Variants in TULP4 observed in about 807,000 individuals in gnomAD.
TULP4 encodes the protein TUB like protein 4.
Under a neutral mutation model 129.0 loss-of-function variants are expected in TULP4, and 16 were observed. The observed-to-expected ratio is 0.12, with a 90% CI of 0.08 to 0.19. TULP4 has a LOEUF of 0.19. Ranked by LOEUF, TULP4 falls within the 10% of genes least tolerant of loss-of-function variation. TULP4 has a pLI of 1.00. For missense variants in TULP4, 1,842 were observed against 2,059.1 expected, an observed-to-expected ratio of 0.89 and a Z score of 2.04; for synonymous variants, 998 against 854.0, an observed-to-expected ratio of 1.17 and a Z score of -2.94.
chr6:158,254,204 A>G (rs1778202633), intron 1 of TULP4, among the ~76,000 whole-genome samples: 2 of 151,970 alleles, frequency 1.3e-5, no homozygotes, highest in African/African-American at 2.4e-5. Flanking sequence ...GTGCAATGGC[A>G]TGATCTCGGC....
In TULP4 at chr6:158,429,765, A is replaced by T. The variant is rs1184560981; in HGVS notation, c.411A>T (p.Gly137=). The change falls in exon 3 of 14, where the codon GGA becomes GGT. Residue 137 remains glycine, a synonymous_variant. Transcript: ENST00000367097. ...QVSDFTWSHD[G]TQALISYRDG... ...GTGATTTCACGTGGAGCCATGATGG[A>T]ACTCAAGCACTTATTTCCTATCGAG... The T allele has an allele frequency of 6.2e-7, 1 of 1,613,290 alleles. No homozygotes were observed.
chr6:158,504,508 G>A (rs888480624), intron 13 of TULP4, among the ~76,000 whole-genome samples: 48 of 144,822 alleles, frequency 3.3e-4, no homozygotes, highest in African/African-American at 1.2e-3. Context: ...CACCATGCCC[G>A]GCTAATTTTT....
At chr6:158,409,677 G>A (rs1185222949) in intron 1 of TULP4, among the ~76,000 whole-genome samples, 3 of 152,062 alleles carry the variant, frequency 2.0e-5, no homozygotes, top group Non-Finnish European at 2.9e-5. Context: ...AGACAGGGGA[G>A]GAAATGAGAA....
rs201219289 is a variant in TULP4 at position 158,481,228 on chromosome 6, G to A, written c.1425G>A (p.Arg475=). 1 of 1,614,238 alleles carries A rather than the reference G, an allele frequency of 6.2e-7. No individual in the cohort carries two copies. The highest frequency in any genetic ancestry group is 1.1e-5 in the South Asian group (1 of 91,090). ...LGGLVPILKG[R]RISKLRPEFV... is the part of the protein sequence containing the mutation. ...GGCTTGTGCCCATCCTCAAAGGGCG[G>A]CGCATCAGCAAGCTGCGGCCAGAGT... Residue 475 remains arginine (R), a synonymous_variant, in exon 8 of 14, where the codon CGG becomes CGA. Transcript: ENST00000367097.
intron 1 of TULP4, among the ~76,000 whole-genome samples, chr6:158,382,866 G>T (rs1283070170): frequency 4.6e-5 from 7 of 152,162 alleles, no homozygotes; most frequent in Admixed American, 2.6e-4. Context: ...TACAGCAAGG[G>T]TTGACATATT....
intron 1 of TULP4, among the ~76,000 whole-genome samples, chr6:158,252,987 C>T (rs901218131): frequency 2.6e-5 from 4 of 152,190 alleles, no homozygotes; most frequent in Non-Finnish European, 5.9e-5. Context: ...TCTTATTAGA[C>T]GCATCTGCTC....
intron 1 of TULP4, among the ~76,000 whole-genome samples, chr6:158,249,907 A>G (rs954743496): frequency 1.3e-5 from 2 of 152,196 alleles, no homozygotes; most frequent in Non-Finnish European, 2.9e-5. Context: ...ATTGTATTTT[A>G]TGTGCATTTT....
At chr6:158,312,045 A>T (rs201167371), upstream of TULP4, 15 of 297,548 alleles carry the variant, frequency 5.0e-5, no homozygotes, top group Admixed American at 1.4e-4. Flanking sequence ...TTTTTTTTTT[A>T]AACAGATTTG....
At chr6:158,478,070 A>G (rs1161912004) in intron 6 of TULP4, among the ~76,000 whole-genome samples, 3 of 152,154 alleles carry the variant, frequency 2.0e-5, no homozygotes, top group Non-Finnish European at 2.9e-5. Context: ...GAACACATGG[A>G]TACAGGAAGG....
intron 1 of TULP4, among the ~76,000 whole-genome samples, chr6:158,272,481 A>G (rs1313639638): frequency 6.6e-6 from 1 of 152,182 alleles, no homozygotes; most frequent in East Asian, 1.9e-4. Flanking sequence ...ATCCCAGGCC[A>G]GCCAAGGCAG....
chr6:158,435,632 T>A (rs1033815390), intron 3 of TULP4, among the ~76,000 whole-genome samples: 5 of 152,154 alleles, frequency 3.3e-5, no homozygotes, highest in African/African-American at 1.2e-4. Flanking sequence ...CTGCATCAGC[T>A]CCCATCTGTT....
intron 1 of TULP4, among the ~76,000 whole-genome samples, chr6:158,235,894 G>A (rs182457366): frequency 6.6e-6 from 1 of 152,232 alleles, no homozygotes; most frequent in Admixed American, 6.5e-5. Flanking sequence ...AAACAAATTC[G>A]TTATTGTTTA....
At chr6:158,489,777 A>T in intron 9 of TULP4, 45 bp downstream of exon 9, 1 of 1,610,586 alleles carries the variant, frequency 6.2e-7, no homozygotes, top group East Asian at 2.2e-5. Flanking sequence ...GTGCCTCTGA[A>T]TATGTGTGTT....
intron 1 of TULP4, among the ~76,000 whole-genome samples, chr6:158,361,021 A>G (rs1780774895): frequency 6.6e-6 from 1 of 152,092 alleles, no homozygotes; most frequent in Non-Finnish European, 1.5e-5. Context: ...AGTGCTAACC[A>G]ATTTTTTTCC....
intron 1 of TULP4, among the ~76,000 whole-genome samples, chr6:158,257,318 C>T (rs756863670): frequency 3.3e-5 from 5 of 152,110 alleles, no homozygotes; most frequent in Non-Finnish European, 7.4e-5. Flanking sequence ...GTTATTTATA[C>T]GGCTGTCACA....
At position 158,504,656 on chromosome 6, in the gene TULP4, C is replaced by T. The variant is rs541121061; in HGVS notation, c.4515+478C>T. 5.8e-5 allele frequency among the ~76,000 whole-genome samples: 6 copies of T among 103,334 alleles called. No individual in the cohort carries two copies. In the East Asian group the frequency reaches 1.4e-3, roughly 23 times the overall value. The allele number at this position is 103,334 out of a possible 152,430, so 67.8% of individuals were successfully genotyped here. On this transcript the variant is annotated intron_variant, in intron 13 of 13. Transcript: ENST00000367097. The stretch of plus-strand genomic sequence containing the variant: ...CAGGCGTGAGCTACCACGCCCAGCC[C>T]TAATTTTTTTTTTTTTAGAAATGGG...
intron 6 of TULP4, among the ~76,000 whole-genome samples, chr6:158,477,347 G>T (rs1269974003): frequency 2.0e-5 from 3 of 152,188 alleles, no homozygotes; most frequent in African/African-American, 7.2e-5. Context: ...CTGGACTAAA[G>T]AGGAATGGGA....
chr6:158,238,248 C>T, intron 1 of TULP4: 1 of 1,110,176 alleles, frequency 9.0e-7, no homozygotes, highest in Non-Finnish European at 1.4e-6. Flanking sequence ...TCTGAAAATT[C>T]CTGAAGCAGC....
chr6:158,298,534 A>T (rs1461530790), intron 1 of TULP4, among the ~76,000 whole-genome samples: 4 of 152,042 alleles, frequency 2.6e-5, no homozygotes, highest in Non-Finnish European at 5.9e-5. Context: ...CCCAGTTTTG[A>T]CACAGGATTC....
Sources: gnomAD v4.1 joint callset for allele counts (sites outside exome capture counted in the v4.1 genomes callset) on GRCh38, gnomAD v4.1.1 for gene constraint, MANE v1.5 for transcripts, NCBI Gene and HGNC (gene_info 2026-07-23, HGNC 2026-07-21) for gene names.